Variants in GON4L observed in about 807,000 individuals in gnomAD.
The protein encoded by GON4L is gon-4 like, also known as GON-4-like protein.
Under a neutral mutation model 211.8 loss-of-function variants are expected in GON4L, and 87 were observed. The ratio of observed to expected loss-of-function variants is 0.41; its 90% confidence interval spans 0.35 to 0.49. The LOEUF (loss-of-function observed/expected upper bound fraction) is 0.49, where lower values mean the gene tolerates loss of function less well. GON4L is among the 20% of genes least tolerant of loss of function. The pLI is 0.15. For missense variants in GON4L, 2,155 were observed against 2,659.5 expected, an observed-to-expected ratio of 0.81 and a Z score of 4.17; for synonymous variants, 875 against 962.6, an observed-to-expected ratio of 0.91 and a Z score of 1.68.
At chr1:155,770,393 G>A (rs1036582979) in intron 19 of GON4L, among the ~76,000 whole-genome samples, 6 of 152,154 alleles carry the variant, frequency 3.9e-5, no homozygotes, top group African/African-American at 1.4e-4. Context: ...AGCTAGCCTT[G>A]GTGGAACACG....
rs140352508 is a variant in GON4L at position 155,832,085 on chromosome 1, G to A, written c.506-5057C>T. Among the ~76,000 whole-genome samples, 514 of 150,868 alleles carry A rather than the reference G, an allele frequency of 3.4e-3. 15 individuals carry two copies. In the East Asian group the frequency reaches 0.069, roughly 20 times the overall value. On this transcript the variant is annotated intron_variant, in intron 2 of 31. Transcript: ENST00000368331. ...AGATCAGGAGTTCAAGACCAGCCTGGCCAACATGGCGAAACCCTATCTCTA... is the reference window on the plus strand; with the variant it reads ...AGATCAGGAGTTCAAGACCAGCCTGACCAACATGGCGAAACCCTATCTCTA...
In GON4L at chr1:155,776,593, C is replaced by T. The variant is rs911702704; in HGVS notation, c.2092-112G>A. The T allele has an allele frequency of 3.2e-5, 28 of 866,728 alleles. No individual in the cohort carries two copies. In the African/African-American group the frequency reaches 4.5e-4, roughly 14 times the overall value. 53.7% of individuals were successfully genotyped at this position (866,728 alleles called of 1,614,324 possible). On this transcript the variant is annotated intron_variant, in intron 15 of 31. Coordinates refer to ENST00000368331, the MANE Select transcript of GON4L (RefSeq NM_001282860.2). ...GGAGAAAGGATCTCTCTCTGTCACT[C>T]AGGCTGATGTGCAGTGATGCAATCA... is the stretch of plus-strand genomic sequence containing the variant.
intron 11 of GON4L, among the ~76,000 whole-genome samples, chr1:155,799,602 A>C (rs907038804): frequency 7.9e-5 from 12 of 152,206 alleles, no homozygotes; most frequent in African/African-American, 2.6e-4. Context: ...CCTAGACCAT[A>C]CTCATTAGAT....
chr1:155,793,901 C>G (rs754773331), intron 12 of GON4L, among the ~76,000 whole-genome samples: 2 of 151,718 alleles, frequency 1.3e-5, no homozygotes, highest in African/African-American at 2.4e-5. Context: ...TAAGCCACCA[C>G]TCCTAGCTCA....
intron 8 of GON4L, among the ~76,000 whole-genome samples, chr1:155,814,702 C>T (rs1025601480): frequency 4.6e-5 from 7 of 151,708 alleles, no homozygotes; most frequent in Admixed American, 3.3e-4. Flanking sequence ...GCCGAGATCA[C>T]GCCACTGCAC....
intron 10 of GON4L, among the ~76,000 whole-genome samples, chr1:155,811,391 C>CAAAAAAA (rs777417019): frequency 3.0e-4 from 10 of 33,162 alleles, no homozygotes; most frequent in Non-Finnish European, 4.0e-4. Flanking sequence ...GACTCCGTCT[C>CAAAAAAA]AAAAAAAAAA....
chr1:155,762,088 T>C (rs1374935252), intron 23 of GON4L, 102 bp downstream of exon 23: 5 of 887,666 alleles, frequency 5.6e-6, no homozygotes, highest in Non-Finnish European at 9.0e-6. Context: ...ATGAAGCCTG[T>C]TGCATAGCCT....
At chr1:155,755,518 T>A (rs1661088581) in intron 27 of GON4L, among the ~76,000 whole-genome samples, 2 of 152,082 alleles carry the variant, frequency 1.3e-5, no homozygotes, top group Non-Finnish European at 2.9e-5. Flanking sequence ...GACCCCATCC[T>A]CTTTTATGTA....
rs144016339 is a variant in GON4L at position 155,846,114 on chromosome 1, T to A, written c.505+7162A>T. The A allele has an allele frequency of 1.2e-3, 279 of 230,372 alleles. 2 individuals carry two copies. The highest frequency in any genetic ancestry group is 6.1e-3 in the African/African-American group (264 of 43,520). The allele number at this position is 230,372 out of a possible 1,614,324, so 14.3% of individuals were successfully genotyped here. A position where few individuals can be genotyped will look rare whatever the true frequency, so the allele number is the denominator to read the frequency against. On this transcript the variant is annotated intron_variant, in intron 2 of 31. Transcript: ENST00000368331. ...TAGGAGTTTGTCAAGGCCTTTTACC[T>A]GAAGACCAATAACCAAATGGTAGCA...
chr1:155,762,141 C>G, intron 23 of GON4L, 49 bp downstream of exon 23: 3 of 1,405,350 alleles, frequency 2.1e-6, no homozygotes, highest in Non-Finnish European at 3.0e-6. Flanking sequence ...CTTGAAGAAG[C>G]AGCCACATTC....
chr1:155,748,186 A>T (rs1660331389), downstream of GON4L: 4 of 1,481,920 alleles, frequency 2.7e-6, no homozygotes, highest in Non-Finnish European at 3.6e-6. Context: ...TCATGCTCCC[A>T]GTCAGTCGCT....
intron 22 of GON4L, 23 bp from the exon 23 acceptor site, chr1:155,762,397 T>C (rs1661906506): frequency 1.9e-6 from 3 of 1,577,370 alleles, no homozygotes; most frequent in Non-Finnish European, 2.6e-6. Flanking sequence ...ATGAAAAGGA[T>C]TGTTTCCCTG....
At chr1:155,839,029 C>A (rs947841153) in intron 2 of GON4L, among the ~76,000 whole-genome samples, 1 of 151,808 alleles carries the variant, frequency 6.6e-6, no homozygotes, top group Non-Finnish European at 1.5e-5. Context: ...GGATTTCTTC[C>A]TTCTTAGGTT....
At chr1:155,856,568 C>T (rs557713095) in intron 1 of GON4L, among the ~76,000 whole-genome samples, 3 of 152,206 alleles carry the variant, frequency 2.0e-5, no homozygotes, top group African/African-American at 4.8e-5. Flanking sequence ...TTCTGTTTCT[C>T]CAAGACATTA....
At chr1:155,793,450 T>C (rs1328671690) in intron 12 of GON4L, among the ~76,000 whole-genome samples, 1 of 152,212 alleles carries the variant, frequency 6.6e-6, no homozygotes, top group African/African-American at 2.4e-5. Flanking sequence ...GCCAGCATCT[T>C]ACCTTCTCCA....
chr1:155,821,600 A>G, intron 4 of GON4L, 52 bp from the exon 5 acceptor site: 1 of 986,090 alleles, frequency 1.0e-6, no homozygotes, highest in Non-Finnish European at 1.6e-6. Context: ...TCACCTAGAC[A>G]ATACTCATCT....
rs752484493 is a variant in GON4L at position 155,765,475 on chromosome 1, C to G, written c.3998G>C (p.Arg1333Thr). ...CTCAGGGGATCCACTGATTTCCTCT[C>G]TAGCTTCTTCAGGTTCCATCTTGAC... ...EIVKMEPEEAREEISGSPERD... is the reference protein window; with the variant it reads ...EIVKMEPEEATEEISGSPERD... Residue 1333 changes from arginine (R) to threonine (T), a missense_variant, in exon 21 of 32, where the codon AGA becomes ACA. Coordinates refer to ENST00000368331, the MANE Select transcript of GON4L (RefSeq NM_001282860.2). 52 of 1,614,080 alleles carry G rather than the reference C, an allele frequency of 3.2e-5. 1 individual carries two copies. The highest frequency in any genetic ancestry group is 4.1e-5 in the Non-Finnish European group (48 of 1,180,030).
At chr1:155,747,810 G>A (rs760884210), downstream of GON4L, 21 of 1,610,042 alleles carry the variant, frequency 1.3e-5, no homozygotes, top group African/African-American at 1.3e-4. Flanking sequence ...TGGGGTAGGC[G>A]CGAAGGCGGC....
rs145360103 is a variant in GON4L, at chr1:155,811,754, C to CAAAAAAAAAAA, written c.1452+1869_1452+1879dup. Among the ~76,000 whole-genome samples, 44 of 33,052 alleles carry CAAAAAAAAAAA rather than the reference C, an allele frequency of 1.3e-3. 2 individuals carry two copies. Among genetic ancestry groups the CAAAAAAAAAAA allele is most frequent in the African/African-American group, 2.9e-3 (20 of 6,826 alleles). The allele number at this position is 33,052 out of a possible 152,430, so 21.7% of individuals were successfully genotyped here. A position where few individuals can be genotyped will look rare whatever the true frequency, so the allele number is the denominator to read the frequency against. ...CTGGGAGACAGGCAAGACTCTGTCT[C>CAAAAAAAAAAA]AAAAAAAAAAAAAAAAAAAAAAAAA... is the stretch of plus-strand genomic sequence containing the variant. On this transcript the variant is annotated intron_variant, in intron 10 of 31. Transcript: ENST00000368331.
Sources: gnomAD v4.1 joint callset for allele counts (sites outside exome capture counted in the v4.1 genomes callset) on GRCh38, gnomAD v4.1.1 for gene constraint, MANE v1.5 for transcripts, NCBI Gene and HGNC (gene_info 2026-07-23, HGNC 2026-07-21) for gene names.